The following PSEN1 variants were observed in gnomAD, a reference collection of about 807,000 sequenced individuals.
The protein encoded by PSEN1 is presenilin-1.
PSEN1 carries 15 observed loss-of-function variants against 53.5 expected under a neutral mutation model. The ratio of observed to expected loss-of-function variants is 0.28; its 90% CI spans 0.19 to 0.43. The LOEUF (loss-of-function observed/expected upper bound fraction) is 0.43. Ranked by LOEUF, PSEN1 falls within the 20% of genes least tolerant of loss-of-function variation. The pLI, the probability that PSEN1 is intolerant of heterozygous loss-of-function variation, is 1.00. For missense variants in PSEN1, 387 were observed against 571.2 expected, an observed-to-expected ratio of 0.68 and a Z score of 3.29; for synonymous variants, 208 against 209.8, an observed-to-expected ratio of 0.99 and a Z score of 0.08.
At chr14:73,188,816 T>A (rs1358161110) in intron 6 of PSEN1, among the ~76,000 whole-genome samples, 1 of 152,142 alleles carries the variant, frequency 6.6e-6, no homozygotes, top group African/African-American at 2.4e-5. Context: ...TGAGATAGAG[T>A]CTCACTCTGT....
At chr14:73,139,587 G>GA (rs946974681) in intron 1 of PSEN1, among the ~76,000 whole-genome samples, 9 of 150,352 alleles carry the variant, frequency 6.0e-5, no homozygotes, top group Non-Finnish European at 8.9e-5. Flanking sequence ...AAGAAAAAAA[G>GA]AAAAAAAAGG....
At chr14:73,212,248 C>T (rs1367067474) in intron 10 of PSEN1, among the ~76,000 whole-genome samples, 2 of 151,286 alleles carry the variant, frequency 1.3e-5, no homozygotes, top group Admixed American at 6.6e-5. Context: ...GTAGCTGGGA[C>T]TACAGGCGTG....
At chr14:73,190,354 T>TG (rs1180360045) in intron 6 of PSEN1, among the ~76,000 whole-genome samples, 3 of 151,732 alleles carry the variant, frequency 2.0e-5, no homozygotes, top group African/African-American at 7.3e-5. Context: ...CCAGGCGTGG[T>TG]GGTGCATGCC....
At chr14:73,181,407 A>T (rs185458725) in intron 5 of PSEN1, among the ~76,000 whole-genome samples, 99 of 152,354 alleles carry the variant, frequency 6.5e-4, no homozygotes, top group Non-Finnish European at 1.0e-3. Context: ...ATTGCCCTCC[A>T]GCCTGGGCAA....
chr14:73,194,270 A>C (rs995535806), intron 7 of PSEN1, among the ~76,000 whole-genome samples: 1 of 151,640 alleles, frequency 6.6e-6, no homozygotes, highest in African/African-American at 2.4e-5. Flanking sequence ...TTTTCTTCCA[A>C]AGACAGGATC....
At chr14:73,198,927 C>T (rs1393172942) in intron 8 of PSEN1, among the ~76,000 whole-genome samples, 1 of 152,042 alleles carries the variant, frequency 6.6e-6, no homozygotes, top group Non-Finnish European at 1.5e-5. Flanking sequence ...GCACGCACTA[C>T]CAGGCCTGGC....
At chr14:73,151,733 AATTTCTTGT>A (rs985518432) in intron 3 of PSEN1, among the ~76,000 whole-genome samples, 2 of 151,226 alleles carry the variant, frequency 1.3e-5, no homozygotes, top group Admixed American at 1.3e-4. Context: ...ACACCTGGCT[AATTTCTTGT>A]ATTTTTGGCA....
chr14:73,178,281 G>A (rs1206018364), intron 5 of PSEN1, among the ~76,000 whole-genome samples: 1 of 144,552 alleles, frequency 6.9e-6, no homozygotes, highest in African/African-American at 2.6e-5. Flanking sequence ...GTGCAGTGAT[G>A]TGATTTTGGC....
chr14:73,184,697 A>ACC (rs766164212), intron 5 of PSEN1, among the ~76,000 whole-genome samples: 233 of 127,452 alleles, frequency 1.8e-3, no homozygotes, highest in African/African-American at 5.2e-3. Flanking sequence ...CGGGGGGCTG[A>ACC]CCCCCCCACC....
At chr14:73,146,060 C>G (rs60320273) in intron 1 of PSEN1, 2 of 151,856 alleles carry the variant, frequency 1.3e-5, no homozygotes, top group Non-Finnish European at 2.9e-5. Flanking sequence ...TGAGCGAGAT[C>G]GTGCCACTAC....
At chr14:73,153,961 ACCTAGGC>A (rs1266581251) in intron 3 of PSEN1, among the ~76,000 whole-genome samples, 1 of 151,966 alleles carries the variant, frequency 6.6e-6, no homozygotes, top group Admixed American at 6.6e-5. Flanking sequence ...TGATCTGACC[ACCTAGGC>A]CTCTCAAAGT....
intron 3 of PSEN1, among the ~76,000 whole-genome samples, chr14:73,159,696 T>C (rs911338926): frequency 1.3e-5 from 2 of 152,216 alleles, no homozygotes; most frequent in Admixed American, 1.3e-4. Context: ...TGGGGAGGCT[T>C]TTGAATTTGA....
At chr14:73,173,892 T>A in intron 5 of PSEN1, 185 bp downstream of exon 5, 2 of 744,732 alleles carry the variant, frequency 2.7e-6, no homozygotes, top group Admixed American at 2.1e-5. Flanking sequence ...GCCAGGTGCA[T>A]GTGTAATGCC....
At position 73,217,172 on chromosome 14, in the gene PSEN1, G is replaced by A. The variant is rs1309676555; in HGVS notation, c.1176G>A (p.Leu392=). The change falls in exon 11 of 12, where the codon CTG becomes CTA. Residue 392 remains leucine (L), a synonymous_variant. Transcript: ENST00000324501. ...GLGDFIFYSV[L]VGKASATASG... ...GAGATTTCATTTTCTACAGTGTTCTGGTTGGTAAAGCCTCAGCAACAGCCA... is the reference window on the plus strand; with the variant it reads ...GAGATTTCATTTTCTACAGTGTTCTAGTTGGTAAAGCCTCAGCAACAGCCA... 5 of 1,613,748 alleles carry A rather than the reference G, an allele frequency of 3.1e-6. No individual in the cohort carries two copies. In the South Asian group the frequency reaches 3.3e-5, roughly 11 times the overall value.
intron 5 of PSEN1, among the ~76,000 whole-genome samples, chr14:73,183,950 G>T: frequency 6.9e-6 from 1 of 143,950 alleles, no homozygotes; most frequent in East Asian, 2.1e-4. Context: ...CTCCCTCCCG[G>T]ACGGGGCGGC....
intron 6 of PSEN1, among the ~76,000 whole-genome samples, chr14:73,188,981 G>A (rs1256790442): frequency 1.3e-5 from 2 of 151,916 alleles, no homozygotes; most frequent in Admixed American, 6.6e-5. Flanking sequence ...AGTAGAGCAG[G>A]GGTTTCACCA....
At chr14:73,146,994 C>T (rs770183013) in intron 1 of PSEN1, among the ~76,000 whole-genome samples, 3 of 151,624 alleles carry the variant, frequency 2.0e-5, no homozygotes, top group Admixed American at 1.3e-4. Flanking sequence ...AATAAGGCTG[C>T]GCCAAGATCA....
chr14:73,182,196 T>G (rs1401377361), intron 5 of PSEN1, among the ~76,000 whole-genome samples: 1 of 152,204 alleles, frequency 6.6e-6, no homozygotes, highest in Non-Finnish European at 1.5e-5. Context: ...AGAAAAATGC[T>G]ATTTTTAAAA....
intron 4 of PSEN1, among the ~76,000 whole-genome samples, chr14:73,173,192 A>G (rs1255197150): frequency 6.6e-6 from 1 of 152,218 alleles, no homozygotes; most frequent in Non-Finnish European, 1.5e-5. Context: ...CTTTCTTCTG[A>G]CAACCACTTG....
Sources: allele counts gnomAD v4.1 joint callset (sites outside exome capture counted in the v4.1 genomes callset), GRCh38; gene constraint gnomAD v4.1.1; transcripts MANE v1.5; gene names NCBI Gene and HGNC (gene_info 2026-07-23, HGNC 2026-07-21).